The following TRRAP variants were observed in gnomAD, a reference collection of about 807,000 sequenced individuals.
The protein encoded by TRRAP is transformation/transcription domain-associated protein.
A neutral mutation model predicts 438.8 loss-of-function variants in TRRAP; 41 were observed. The ratio of observed to expected loss-of-function variants is 0.09; its 90% CI spans 0.07 to 0.12. The LOEUF is 0.12. Among genes scored for constraint, TRRAP ranks in the 10% least tolerant of loss-of-function variants. The probability of loss-of-function intolerance (pLI) is 1.00; values close to 1 mark genes in which losing one functional copy is unlikely to be tolerated. For missense variants in TRRAP, 3,122 were observed against 5,055.1 expected, an observed-to-expected ratio of 0.62 and a Z score of 11.60; for synonymous variants, 1,994 against 1,962.9, an observed-to-expected ratio of 1.02 and a Z score of -0.42.
Position 98,961,544 on chromosome 7 carries a change from G to A in TRRAP, c.6703+70G>A, listed in dbSNP as rs528419632. 502 of 1,553,066 alleles carry A rather than the reference G, an allele frequency of 3.2e-4. 6 individuals carry two copies. In the South Asian group the frequency reaches 4.1e-3, roughly 13 times the overall value. The stretch of plus-strand genomic sequence containing the variant: ...TGGGCGCGGAGCTTGCTATGAGAGC[G>A]CTTGTCCTCCAGTTATTGTGTCGAG... On this transcript the variant is annotated intron_variant, in intron 46 of 72. Coordinates refer to ENST00000456197, the MANE Select transcript of TRRAP (RefSeq NM_001375524.1).
rs373952772 is a variant in TRRAP, at chr7:98,928,236, CA to C, written c.3175+875del. On this transcript the variant is annotated intron_variant, in intron 23 of 72. Transcript: ENST00000456197. ...GGGCAACAAGAGCGAAACTCCGTCT[CA>C]AAAAGAAAAAAAAAGACAAAAAAAA... 5.4e-3 allele frequency among the ~76,000 whole-genome samples: 819 copies of C among 150,774 alleles called. 3 individuals are homozygous for C. Among genetic ancestry groups the C allele is most frequent in the African/African-American group, 0.018 (724 of 41,012 alleles).
At chr7:98,967,806 C>T (rs758649993) in intron 51 of TRRAP, 108 bp downstream of exon 51, 109 of 932,132 alleles carry the variant, frequency 1.2e-4, no homozygotes, top group Non-Finnish European at 1.6e-4. Flanking sequence ...TTGGAAATCT[C>T]CAGCACAAAC....
At chr7:98,957,706 C>T (rs1554420182) in intron 43 of TRRAP, among the ~76,000 whole-genome samples, 1 of 152,238 alleles carries the variant, frequency 6.6e-6, no homozygotes. Context: ...CCCGCTTCGT[C>T]TCAACCTAAA....
intron 43 of TRRAP, among the ~76,000 whole-genome samples, chr7:98,957,699 G>A (rs112624501): frequency 0.034 from 5,104 of 152,126 alleles, 263 homozygotes; most frequent in African/African-American, 0.12. Flanking sequence ...CTCATGGCCC[G>A]CTTCGTCTCA....
intron 16 of TRRAP, among the ~76,000 whole-genome samples, chr7:98,910,815 T>C (rs782366874): frequency 1.3e-5 from 2 of 152,148 alleles, no homozygotes; most frequent in Non-Finnish European, 2.9e-5. Flanking sequence ...GAGGGGCAGA[T>C]AGTGTAAACG....
At chr7:98,990,369 A>G (rs1793377813) in intron 63 of TRRAP, 86 bp from the exon 64 acceptor site, 3 of 1,495,894 alleles carry the variant, frequency 2.0e-6, no homozygotes, top group African/African-American at 1.4e-5. Flanking sequence ...GCCGCTCTAT[A>G]CAGTGTTGTA....
At chr7:99,010,179 C>T (rs1351571359) in intron 70 of TRRAP, among the ~76,000 whole-genome samples, 1 of 152,188 alleles carries the variant, frequency 6.6e-6, no homozygotes, top group East Asian at 1.9e-4. Flanking sequence ...AGCCACCACG[C>T]CCAGCCCAGG....
At chr7:98,987,937 GT>G (rs992260527) in intron 62 of TRRAP, among the ~76,000 whole-genome samples, 3 of 151,740 alleles carry the variant, frequency 2.0e-5, no homozygotes, top group Non-Finnish European at 4.4e-5. Context: ...AGATGATTGT[GT>G]TTTTTTTCCT....
intron 8 of TRRAP, among the ~76,000 whole-genome samples, chr7:98,898,915 C>T (rs1796346968): frequency 2.0e-5 from 3 of 152,158 alleles, no homozygotes; most frequent in Non-Finnish European, 2.9e-5. Context: ...AGGCCGGGCA[C>T]GGTAGCACAC....
At chr7:98,988,735 T>C in intron 62 of TRRAP, 30 bp from the exon 63 acceptor site, 1 of 1,608,120 alleles carries the variant, frequency 6.2e-7, no homozygotes, top group South Asian at 1.1e-5. Context: ...TTGAAAACCA[T>C]ACACGTTTTG....
At position 98,990,586 on chromosome 7, in the gene TRRAP, G is replaced by A. The variant is rs557915803; in HGVS notation, c.9723G>A (p.Ser3241=). Residue 3241 remains serine, a synonymous_variant, in exon 64 of 73, where the codon TCG becomes TCA. Coordinates refer to ENST00000456197, the MANE Select transcript of TRRAP (RefSeq NM_001375524.1). ...AGCTGCTCACCTGCCTGGTTGGCTC[G>A]GAGGGAAAGCTGCTCTTGAACCTCA... is the stretch of plus-strand genomic sequence containing the variant. ...IPQLLTCLVG[S]EGKLLLNLIS... is the part of the protein sequence containing the mutation. 44 of 1,613,948 alleles carry A rather than the reference G, an allele frequency of 2.7e-5. No individual in the cohort carries two copies. Among genetic ancestry groups the A allele is most frequent in the Middle Eastern group, 3.3e-4 (2 of 6,084 alleles).
chr7:98,966,342 A>G (rs1792157862), intron 49 of TRRAP, among the ~76,000 whole-genome samples: 1 of 151,808 alleles, frequency 6.6e-6, no homozygotes. Context: ...TTTTCAGTGC[A>G]CTTAACAGAT....
intron 30 of TRRAP, among the ~76,000 whole-genome samples, chr7:98,938,074 C>G (rs1554414708): frequency 6.6e-6 from 1 of 152,146 alleles, no homozygotes; most frequent in Admixed American, 6.5e-5. Context: ...CTTAGGGAGG[C>G]TGAGGCAGGA....
chr7:98,916,265 AAGC>A (rs1789515460), intron 19 of TRRAP, among the ~76,000 whole-genome samples: 2 of 152,204 alleles, frequency 1.3e-5, no homozygotes, highest in Admixed American at 1.3e-4. Context: ...AAAAAAGAAA[AAGC>A]AGGTGACAAA....
At chr7:98,979,053 C>A in intron 58 of TRRAP, 149 bp downstream of exon 58, 1 of 938,594 alleles carries the variant, frequency 1.1e-6, no homozygotes, top group Non-Finnish European at 1.6e-6. Context: ...TTGTCTAACA[C>A]CTTTCCTGAA....
Position 98,908,439 on chromosome 7 carries a change from C to G in TRRAP, c.1116-289C>G, listed in dbSNP as rs1305173177. Among the ~76,000 whole-genome samples the G allele has an allele frequency of 6.6e-6, 1 of 152,202 alleles. No homozygotes were observed. The highest frequency in any genetic ancestry group is 2.4e-5 in the African/African-American group (1 of 41,446). Reference sequence around the variant, plus strand: ...AAAACCCATTCAGTGCATGATCAAGCTGGTAATATTCCTCCTTGGCTTAGC... The same window carrying G: ...AAAACCCATTCAGTGCATGATCAAGGTGGTAATATTCCTCCTTGGCTTAGC... On this transcript the variant is annotated intron_variant, in intron 13 of 72. Coordinates refer to ENST00000456197, the MANE Select transcript of TRRAP (RefSeq NM_001375524.1). This position sits in a 1 kb window ranked among gnomAD's most constrained non-coding sequence, Gnocchi z 4.1.
chr7:98,898,255 TG>T (rs1283406925), intron 8 of TRRAP, among the ~76,000 whole-genome samples: 1 of 152,224 alleles, frequency 6.6e-6, no homozygotes, highest in Non-Finnish European at 1.5e-5. Context: ...TACAATGTCC[TG>T]GCCCCACTGG....
At chr7:98,911,470 G>A (rs550985362) in intron 17 of TRRAP, among the ~76,000 whole-genome samples, 199 bp downstream of exon 17, 38 of 152,206 alleles carry the variant, frequency 2.5e-4, no homozygotes, top group Middle Eastern at 6.8e-3. Flanking sequence ...AGTTCCTTTC[G>A]TTAGTAGAAA....
chr7:98,884,752 C>T (rs1554403705), intron 3 of TRRAP, among the ~76,000 whole-genome samples: 1 of 152,142 alleles, frequency 6.6e-6, no homozygotes, highest in Admixed American at 6.6e-5. Context: ...GCCCTGACCC[C>T]TGCTTGGACC....
Sources: gnomAD v4.1 joint callset for allele counts (sites outside exome capture counted in the v4.1 genomes callset) on GRCh38, gnomAD v4.1.1 for gene constraint, Gnocchi (gnomAD v3.1) non-coding constraint, MANE v1.5 for transcripts, NCBI Gene and HGNC (gene_info 2026-07-23, HGNC 2026-07-21) for gene names.